CHST9: variants seen among roughly 807,000 people sequenced by gnomAD.
The protein encoded by CHST9 is carbohydrate sulfotransferase 9, also known as GalNAc-4-sulfotransferase 2.
Under a neutral mutation model 44.4 loss-of-function variants are expected in CHST9, and 41 were observed. That is an observed-to-expected ratio of 0.92 (90% CI 0.72 to 1.20). The LOEUF (loss-of-function observed/expected upper bound fraction) is 1.20. Ranked by LOEUF, CHST9 falls within the 50% of genes most tolerant of loss-of-function variation. The pLI is 0.00. For missense variants in CHST9, 504 were observed against 516.5 expected (o/e 0.98, Z 0.23); for synonymous variants, 171 against 178.4 (o/e 0.96, Z 0.33).
At chr18:27,149,576 T>C (rs1315377204) in intron 1 of CHST9, among the ~76,000 whole-genome samples, 1 of 151,108 alleles carries the variant, frequency 6.6e-6, no homozygotes, top group Admixed American at 6.6e-5. Flanking sequence ...ATTGCTGAAG[T>C]TGTCTGTACA....
rs148405559 is a variant in CHST9 at position 27,114,003 on chromosome 18, T to TA, written c.121+28685dup. Among the ~76,000 whole-genome samples the TA allele has an allele frequency of 6.0e-3, 907 of 152,328 alleles. 6 individuals are homozygous for TA. Among genetic ancestry groups the TA allele is most frequent in the Non-Finnish European group, 0.011 (740 of 68,036 alleles). On this transcript the variant is annotated intron_variant, in intron 2 of 5. Coordinates refer to ENST00000618847, the MANE Select transcript of CHST9 (RefSeq NM_031422.6). ...TAGGGGTGAACATAATGCAAACACT[T>TA]ACTTTATTTGTTAATGTTGTTAATC...
chr18:26,996,264 T>C (rs2056886792), intron 4 of CHST9, among the ~76,000 whole-genome samples: 1 of 152,052 alleles, frequency 6.6e-6, no homozygotes, highest in South Asian at 2.1e-4. Flanking sequence ...GTCAGCAACA[T>C]TTTTTTTAAT....
chr18:27,063,976 T>G (rs1287317759), intron 2 of CHST9, among the ~76,000 whole-genome samples: 2 of 152,132 alleles, frequency 1.3e-5, no homozygotes, highest in African/African-American at 2.4e-5. Flanking sequence ...ATCCCAAATG[T>G]GCACAATCCA....
intron 4 of CHST9, 76 bp from the exon 5 acceptor site, chr18:26,944,442 T>C (rs2056132001): frequency 1.9e-6 from 2 of 1,054,678 alleles, no homozygotes; most frequent in Non-Finnish European, 2.9e-6. Flanking sequence ...GCTGCTCTGT[T>C]TACAGTAAAC....
At chr18:27,025,616 T>G (rs926593993) in intron 3 of CHST9, among the ~76,000 whole-genome samples, 4 of 152,196 alleles carry the variant, frequency 2.6e-5, no homozygotes, top group African/African-American at 9.6e-5. Context: ...TTCTACTTGA[T>G]TTAGTAATAT....
chr18:26,984,869 G>A (rs986614279), intron 4 of CHST9, among the ~76,000 whole-genome samples: 10 of 152,130 alleles, frequency 6.6e-5, no homozygotes, highest in Non-Finnish European at 1.0e-4. Context: ...TGAGGGTATA[G>A]ATGAAAAGAA....
rs376432038 is a variant in CHST9, at chr18:26,946,708, A to C, written c.203-2342T>G. Reference sequence around the variant, plus strand: ...GTTAATTTTTGTATAAGGTGTAAGGAAGGGGTCCAGTTTCTGTTTTCTGCA... The same window carrying C: ...GTTAATTTTTGTATAAGGTGTAAGGCAGGGGTCCAGTTTCTGTTTTCTGCA... On this transcript the variant is annotated intron_variant, in intron 4 of 5. Coordinates refer to ENST00000618847, the MANE Select transcript of CHST9 (RefSeq NM_031422.6). Among the ~76,000 whole-genome samples the C allele has an allele frequency of 7.9e-5, 12 of 152,258 alleles. No homozygotes were observed. In the East Asian group the frequency reaches 1.5e-3, roughly 20 times the overall value.
At chr18:26,981,256 A>C (rs1326956617) in intron 4 of CHST9, among the ~76,000 whole-genome samples, 1 of 152,192 alleles carries the variant, frequency 6.6e-6, no homozygotes, top group East Asian at 1.9e-4. Context: ...ATAAATATGC[A>C]TAACCAGACA....
At chr18:27,140,189 T>C (rs28659873) in intron 2 of CHST9, among the ~76,000 whole-genome samples, 8 of 152,276 alleles carry the variant, frequency 5.3e-5, no homozygotes, top group Middle Eastern at 3.4e-3. Context: ...CTCGTAGCAG[T>C]ACAACCTGGG....
At chr18:26,980,979 GATCA>G (rs2056684887) in intron 4 of CHST9, among the ~76,000 whole-genome samples, 2 of 152,296 alleles carry the variant, frequency 1.3e-5, no homozygotes, top group African/African-American at 4.8e-5. Flanking sequence ...TCAACATGCT[GATCA>G]ATATCCTCTA....
intron 4 of CHST9, among the ~76,000 whole-genome samples, chr18:26,950,439 C>G (rs1211875001): frequency 1.3e-5 from 2 of 152,142 alleles, no homozygotes; most frequent in Non-Finnish European, 2.9e-5. Context: ...TTTAGCAGCA[C>G]AATTCGCAGT....
intron 2 of CHST9, among the ~76,000 whole-genome samples, chr18:27,085,412 A>C (rs2058002285): frequency 6.6e-6 from 1 of 152,204 alleles, no homozygotes; most frequent in Non-Finnish European, 1.5e-5. Flanking sequence ...AGGAACTTAA[A>C]CAAATCGACA....
intron 4 of CHST9, chr18:26,952,526 G>T: frequency 2.2e-6 from 1 of 458,860 alleles, no homozygotes; most frequent in Non-Finnish European, 4.3e-6. Context: ...GCAGCACTTG[G>T]TACCTGGGTG....
intron 2 of CHST9, among the ~76,000 whole-genome samples, chr18:27,062,557 T>C (rs1303255010): frequency 6.6e-6 from 1 of 152,194 alleles, no homozygotes; most frequent in African/African-American, 2.4e-5. Flanking sequence ...ATCCAGTCTA[T>C]CATTGTTGGA....
rs746704307 is a variant in CHST9, at chr18:27,070,622, T to C, written c.122-22119A>G. On this transcript the variant is annotated intron_variant, in intron 2 of 5. Coordinates refer to ENST00000618847, the MANE Select transcript of CHST9 (RefSeq NM_031422.6). ...AAGATGTGTTTATTGAGACTTACCA[T>C]ATGTCAGGTACTCTAGGTCCCCCAC... Among the ~76,000 whole-genome samples, 89 of 152,366 alleles carry C rather than the reference T, an allele frequency of 5.8e-4. 2 individuals are homozygous for C. Among genetic ancestry groups the C allele is most frequent in the Non-Finnish European group, 1.2e-3 (83 of 68,046 alleles).
intron 4 of CHST9, among the ~76,000 whole-genome samples, chr18:26,994,201 C>T (rs1301937127): frequency 1.3e-5 from 2 of 152,202 alleles, no homozygotes; most frequent in Non-Finnish European, 2.9e-5. Context: ...TTTGAGGGCA[C>T]ACAACTCAGT....
intron 5 of CHST9, among the ~76,000 whole-genome samples, chr18:26,932,065 C>T (rs771243533): frequency 1.2e-4 from 18 of 152,040 alleles, no homozygotes; most frequent in Non-Finnish European, 1.8e-4. Flanking sequence ...CCAAATGTGC[C>T]GGAGTCAACT....
At chr18:27,041,547 TG>T (rs1356947088) in intron 3 of CHST9, among the ~76,000 whole-genome samples, 1 of 152,116 alleles carries the variant, frequency 6.6e-6, no homozygotes, top group Non-Finnish European at 1.5e-5. Flanking sequence ...AAATCCTGTT[TG>T]GTGTAGTATA....
At chr18:26,991,646 C>A (rs2056817465) in intron 4 of CHST9, among the ~76,000 whole-genome samples, 1 of 131,356 alleles carries the variant, frequency 7.6e-6, no homozygotes, top group Non-Finnish European at 1.8e-5. Context: ...CAGGAGGAAG[C>A]AGCAAGGAAA....
Sources: allele counts gnomAD v4.1 joint callset (sites outside exome capture counted in the v4.1 genomes callset), GRCh38; gene constraint gnomAD v4.1.1; transcripts MANE v1.5; gene names NCBI Gene and HGNC (gene_info 2026-07-23, HGNC 2026-07-21).